Variants in PRR5L observed in about 807,000 individuals in gnomAD.
PRR5L encodes the protein proline rich 5 like.
In PRR5L, 21 loss-of-function variants were observed where a neutral mutation model predicts 36.4. The observed-to-expected ratio is 0.58, with a 90% CI of 0.41 to 0.83. PRR5L has a LOEUF of 0.83. PRR5L is among the 40% of genes least tolerant of loss of function. PRR5L has a pLI of 0.00. For synonymous variants in PRR5L, 188 were observed against 197.0 expected (o/e 0.95, Z 0.38); for missense variants, 381 against 473.3 (o/e 0.80, Z 1.81).
chr11:36,337,980 A>C (rs1220362555), intron 1 of PRR5L, among the ~76,000 whole-genome samples: 1 of 152,184 alleles, frequency 6.6e-6, no homozygotes, highest in East Asian at 1.9e-4. Flanking sequence ...CTCATGATCT[A>C]AGATGGTGCC....
intron 1 of PRR5L, among the ~76,000 whole-genome samples, chr11:36,338,225 C>T (rs1856786596): frequency 6.6e-6 from 1 of 152,214 alleles, no homozygotes; most frequent in East Asian, 1.9e-4. Context: ...ATCAACCCAG[C>T]TTTTCAGGTT....
rs570862590 is a variant in PRR5L at position 36,365,433 on chromosome 11, C to T, written c.-125-35564C>T. 2.0e-5 allele frequency among the ~76,000 whole-genome samples: 3 copies of T among 152,274 alleles called. No individual in the cohort carries two copies. In the East Asian group the frequency reaches 5.8e-4, roughly 29 times the overall value. ...AATTCTTTTGTCTAGGACCACATTTCCCAATTATATCCTGCTGAATATTAT... is the reference window on the plus strand; with the variant it reads ...AATTCTTTTGTCTAGGACCACATTTTCCAATTATATCCTGCTGAATATTAT... On this transcript the variant is annotated intron_variant, in intron 1 of 8. Transcript: ENST00000530639.
At chr11:36,432,240 T>C (rs562575435) in intron 5 of PRR5L, among the ~76,000 whole-genome samples, 17 of 152,142 alleles carry the variant, frequency 1.1e-4, no homozygotes, top group Non-Finnish European at 2.2e-4. Flanking sequence ...GTATAAGTTA[T>C]ACTGTGAATC....
At chr11:36,442,659 A>G (rs1341716987) in intron 6 of PRR5L, among the ~76,000 whole-genome samples, 2 of 87,932 alleles carry the variant, frequency 2.3e-5, no homozygotes, top group Non-Finnish European at 5.5e-5. Flanking sequence ...ATTTTACCAG[A>G]TACTCTAAGT....
intron 3 of PRR5L, among the ~76,000 whole-genome samples, chr11:36,416,174 G>A (rs1175462173): frequency 6.7e-6 from 1 of 150,146 alleles, no homozygotes; most frequent in Non-Finnish European, 1.5e-5. Context: ...TTGCTGCAAT[G>A]AAAAACTCTG....
chr11:36,449,582 C>T (rs1858901888), intron 7 of PRR5L, among the ~76,000 whole-genome samples: 1 of 152,212 alleles, frequency 6.6e-6, no homozygotes, highest in African/African-American at 2.4e-5. Context: ...GTCCTGAGAC[C>T]ACCGGAATGG....
intron 6 of PRR5L, among the ~76,000 whole-genome samples, chr11:36,439,151 C>T (rs751586489): frequency 2.6e-5 from 4 of 152,116 alleles, no homozygotes; most frequent in Admixed American, 1.3e-4. Context: ...GCGCCTCCTG[C>T]GTTTAAAGGC....
intron 1 of PRR5L, among the ~76,000 whole-genome samples, chr11:36,319,570 T>C (rs1856592435): frequency 6.6e-6 from 1 of 152,094 alleles, no homozygotes; most frequent in Non-Finnish European, 1.5e-5. Context: ...CATAAACCAA[T>C]GGGCTTAGCT....
At position 36,462,457 on chromosome 11, in the gene PRR5L, G is replaced by C; in HGVS notation, c.828G>C (p.Glu276Asp). Residue 276 changes from glutamate (E) to aspartate (D), a missense_variant, in exon 9 of 9, where the codon GAG becomes GAC. Coordinates refer to ENST00000530639, the MANE Select transcript of PRR5L (RefSeq NM_001160167.2). ...EMVLTPLTEQ[E>D]GEAYLEKCGS... ...TCTTGACCCCACTGACAGAGCAGGA[G>C]GGGGAAGCCTACCTGGAGAAGTGTG... The C allele has an allele frequency of 6.2e-7, 1 of 1,607,686 alleles. No homozygotes were observed.
intron 1 of PRR5L, among the ~76,000 whole-genome samples, chr11:36,381,894 C>T (rs1857374851): frequency 6.6e-6 from 1 of 152,000 alleles, no homozygotes; most frequent in African/African-American, 2.4e-5. Flanking sequence ...CGCGGTGGCT[C>T]ACATCTGTAA....
rs769186418 is a variant in PRR5L, at chr11:36,419,407, A to G, written c.294+104A>G. 1.2e-4 allele frequency: 121 copies of G among 987,140 alleles called. 1 individual carries two copies. The highest frequency in any genetic ancestry group is 1.7e-4 in the Non-Finnish European group (102 of 609,936). 61.1% of individuals were successfully genotyped at this position (987,140 alleles called of 1,614,324 possible). On this transcript the variant is annotated intron_variant, in intron 4 of 8. Coordinates refer to ENST00000530639, the MANE Select transcript of PRR5L (RefSeq NM_001160167.2). ...CAGTTGGACATTCCTTCAACAGACA[A>G]AATTACGTATCTCAAGTCCCTGCTG...
intron 1 of PRR5L, among the ~76,000 whole-genome samples, chr11:36,373,092 A>G (rs181508173): frequency 1.3e-5 from 2 of 152,118 alleles, no homozygotes; most frequent in East Asian, 3.9e-4. Flanking sequence ...GATTGGATGC[A>G]CCTGGGTTAG....
chr11:36,336,723 A>G (rs936815529), intron 1 of PRR5L, among the ~76,000 whole-genome samples: 4 of 152,084 alleles, frequency 2.6e-5, no homozygotes, highest in African/African-American at 9.7e-5. Context: ...TGTTATAAAC[A>G]TATAGCTATT....
chr11:36,413,322 A>T (rs1858067209), intron 3 of PRR5L, among the ~76,000 whole-genome samples: 1 of 152,008 alleles, frequency 6.6e-6, no homozygotes, highest in Non-Finnish European at 1.5e-5. Flanking sequence ...GACTTGTGGG[A>T]TTCTCTGTTA....
intron 1 of PRR5L, among the ~76,000 whole-genome samples, chr11:36,391,457 G>A (rs1304560339): frequency 1.3e-5 from 2 of 152,184 alleles, no homozygotes; most frequent in Non-Finnish European, 2.9e-5. Flanking sequence ...CTGAGTGTTA[G>A]CAAGGCCTGT....
chr11:36,345,031 G>A (rs765285102), intron 1 of PRR5L, among the ~76,000 whole-genome samples: 3 of 152,146 alleles, frequency 2.0e-5, no homozygotes, highest in Admixed American at 2.0e-4. Context: ...GATGGCAAAG[G>A]GCTAGAGAGA....
chr11:36,355,791 G>C (rs1857020995), intron 1 of PRR5L, among the ~76,000 whole-genome samples: 1 of 151,972 alleles, frequency 6.6e-6, no homozygotes, highest in African/African-American at 2.4e-5. Flanking sequence ...TCGAACTCCT[G>C]ATCTCAGGTG....
chr11:36,371,316 GGT>G (rs1857195157), intron 1 of PRR5L, among the ~76,000 whole-genome samples: 1 of 152,206 alleles, frequency 6.6e-6, no homozygotes, highest in Admixed American at 6.5e-5. Context: ...TTTACACCCT[GGT>G]GTTAGATCAG....
chr11:36,352,148 T>G (rs1856982324), intron 1 of PRR5L, among the ~76,000 whole-genome samples: 1 of 152,186 alleles, frequency 6.6e-6, no homozygotes, highest in Non-Finnish European at 1.5e-5. Flanking sequence ...GGTATGGTAT[T>G]GTGGTTTCAA....
Sources: allele counts gnomAD v4.1 joint callset (sites outside exome capture counted in the v4.1 genomes callset), GRCh38; gene constraint gnomAD v4.1.1; transcripts MANE v1.5; gene names NCBI Gene and HGNC (gene_info 2026-07-23, HGNC 2026-07-21).